NFU1: variants seen among roughly 807,000 people sequenced by gnomAD.
The protein encoded by NFU1 is NFU1 iron-sulfur cluster scaffold homolog, mitochondrial.
NFU1 carries 30 observed loss-of-function variants against 32.2 expected under a neutral mutation model. The observed-to-expected ratio is 0.93, with a 90% CI of 0.70 to 1.26. The LOEUF is 1.26. NFU1 is among the 50% of genes most tolerant of loss of function. The probability of loss-of-function intolerance (pLI) is 0.00; values close to 1 mark genes in which losing one functional copy is unlikely to be tolerated. For synonymous variants in NFU1, 112 were observed against 104.6 expected, an observed-to-expected ratio of 1.07 and a Z score of -0.43; for missense variants, 306 against 306.6, an observed-to-expected ratio of 1.00 and a Z score of 0.02.
chr2:69,420,738 A>G (rs1263015207), intron 3 of NFU1, among the ~76,000 whole-genome samples: 1 of 152,216 alleles, frequency 6.6e-6, no homozygotes, highest in Non-Finnish European at 1.5e-5. Context: ...TTGTGGAATC[A>G]TGTATGTAGT....
intron 6 of NFU1, among the ~76,000 whole-genome samples, chr2:69,404,441 G>A (rs1275456894): frequency 2.0e-5 from 3 of 150,116 alleles, no homozygotes; most frequent in Non-Finnish European, 4.4e-5. Context: ...GCAGTGAGCT[G>A]ATATCGTGCA....
chr2:69,419,741 T>G, intron 3 of NFU1, 137 bp from the exon 4 acceptor site: 3 of 647,168 alleles, frequency 4.6e-6, no homozygotes, highest in East Asian at 2.8e-5. Flanking sequence ...ATGGCCAATT[T>G]TGTTTTATAT....
chr2:69,401,970 T>G (rs1672536276), intron 6 of NFU1, among the ~76,000 whole-genome samples: 1 of 152,044 alleles, frequency 6.6e-6, no homozygotes. Flanking sequence ...CTCAGCTCAC[T>G]GCAACTTCCG....
intron 5 of NFU1, among the ~76,000 whole-genome samples, chr2:69,413,510 C>T (rs1197149904): frequency 6.6e-6 from 1 of 152,152 alleles, no homozygotes. Flanking sequence ...GCCTGTAATC[C>T]CAACTTTGGA....
chr2:69,401,781 T>C (rs1672528676), intron 6 of NFU1, among the ~76,000 whole-genome samples: 1 of 152,264 alleles, frequency 6.6e-6, no homozygotes, highest in African/African-American at 2.4e-5. Context: ...TCAGTCTTAA[T>C]AGTTTTAACT....
chr2:69,405,124 G>C (rs971331947), intron 6 of NFU1, among the ~76,000 whole-genome samples: 1 of 151,978 alleles, frequency 6.6e-6, no homozygotes, highest in Non-Finnish European at 1.5e-5. Context: ...GCCTGTGCCT[G>C]TAATCCCAGC....
At position 69,404,908 on chromosome 2, in the gene NFU1, C is replaced by T. The variant is rs915635380; in HGVS notation, c.545+1114G>A. Among the ~76,000 whole-genome samples, 12 of 151,894 alleles carry T rather than the reference C, an allele frequency of 7.9e-5. No homozygotes were observed. The East Asian group carries it at 2.2e-3, about 27-fold the overall frequency. On this transcript the variant is annotated intron_variant, in intron 6 of 7. Coordinates refer to ENST00000410022, the MANE Select transcript of NFU1 (RefSeq NM_001002755.4). ...CAGCTGGGATTACAAGCGTGAGCCA[C>T]CACACCCAGCCACAATTTTCAAGAA...
At chr2:69,400,296 A>G in intron 7 of NFU1, 68 bp downstream of exon 7, 1 of 1,364,220 alleles carries the variant, frequency 7.3e-7, no homozygotes, top group Non-Finnish European at 1.0e-6. Flanking sequence ...ATCTATTTCC[A>G]GCCTTTGTAT....
chr2:69,434,612 G>A (rs1386647281), intron 1 of NFU1, among the ~76,000 whole-genome samples: 2 of 152,108 alleles, frequency 1.3e-5, no homozygotes, highest in African/African-American at 2.4e-5. Flanking sequence ...TTTAAAATCC[G>A]GTTTACTTGA....
In NFU1 at chr2:69,399,555, G is replaced by C. The variant is rs191243955; in HGVS notation, c.720+809C>G. ...ATCCTTAATCCCAGCATTTTGGGAG[G>C]ATCACCTGAGGCCAGGAATTCAAGA... On this transcript the variant is annotated intron_variant, in intron 7 of 7. Transcript: ENST00000410022. 4.8e-3 allele frequency among the ~76,000 whole-genome samples: 699 copies of C among 146,890 alleles called. 9 individuals carry two copies. Among genetic ancestry groups the C allele is most frequent in the Admixed American group, 0.012 (176 of 14,342 alleles).
intron 6 of NFU1, 76 bp downstream of exon 6, chr2:69,405,946 G>T: frequency 3.3e-6 from 3 of 914,782 alleles, no homozygotes; most frequent in East Asian, 2.4e-5. Flanking sequence ...TAATCTCATG[G>T]CCAACTAAAA....
At chr2:69,431,767 C>T in intron 2 of NFU1, 135 bp downstream of exon 2, 2 of 666,488 alleles carry the variant, frequency 3.0e-6, no homozygotes, top group Non-Finnish European at 5.3e-6. Flanking sequence ...AAAAATATAG[C>T]TTTTTTTCCT....
chr2:69,414,291 C>T (rs1672981642), intron 5 of NFU1, among the ~76,000 whole-genome samples: 1 of 151,992 alleles, frequency 6.6e-6, no homozygotes, highest in Non-Finnish European at 1.5e-5. Flanking sequence ...AAAAATATTA[C>T]ACTTAGTAAA....
Position 69,424,349 on chromosome 2 carries a change from C to G in NFU1, c.167-632G>C, listed in dbSNP as rs182014023. Among the ~76,000 whole-genome samples, 338 of 151,442 alleles carry G rather than the reference C, an allele frequency of 2.2e-3. 2 individuals are homozygous for G. The highest frequency in any genetic ancestry group is 7.7e-3 in the African/African-American group (318 of 41,258). ...TGTTGCCCAGGCTGGAGTGCAGTGG[C>G]ACAATCACGGTTCACTACGACCTCA... On this transcript the variant is annotated intron_variant, in intron 2 of 7. Coordinates refer to ENST00000410022, the MANE Select transcript of NFU1 (RefSeq NM_001002755.4).
chr2:69,413,212 G>A (rs1366137884), intron 5 of NFU1, among the ~76,000 whole-genome samples: 1 of 151,654 alleles, frequency 6.6e-6, no homozygotes, highest in African/African-American at 2.4e-5. Context: ...TTGAACCCAG[G>A]AGGTGGAGGT....
At position 69,431,881 on chromosome 2, in the gene NFU1, A is replaced by G. The variant is rs376891082; in HGVS notation, c.166+21T>C. On this transcript the variant is annotated intron_variant, in intron 2 of 7. Coordinates refer to ENST00000410022, the MANE Select transcript of NFU1 (RefSeq NM_001002755.4). The stretch of plus-strand genomic sequence containing the variant: ...CATCAGTTTCTGAAACACAACTGCT[A>G]TAAAAGAGGTGAAATTTTACCTGGG... 25 of 1,444,014 alleles carry G rather than the reference A, an allele frequency of 1.7e-5. No homozygotes were observed. In the African/African-American group the frequency reaches 3.4e-4, roughly 19 times the overall value. The allele number at this position is 1,444,014 out of a possible 1,614,324, so 89.5% of individuals were successfully genotyped here.
Position 69,413,664 on chromosome 2 carries a change from T to C in NFU1, c.484+1521A>G, listed in dbSNP as rs552969228. Among the ~76,000 whole-genome samples the C allele has an allele frequency of 2.4e-3, 358 of 151,730 alleles. 4 individuals are homozygous for C. Among genetic ancestry groups the C allele is most frequent in the South Asian group, 0.011 (55 of 4,810 alleles). ...ATCCCAGCCACTCGGGAGGCTGAGGTAGAAGGATCGCTTGAACCTGGGAAG... is the reference window on the plus strand; with the variant it reads ...ATCCCAGCCACTCGGGAGGCTGAGGCAGAAGGATCGCTTGAACCTGGGAAG... On this transcript the variant is annotated intron_variant, in intron 5 of 7. Transcript: ENST00000410022.
At chr2:69,410,325 G>A (rs1672836800) in intron 5 of NFU1, among the ~76,000 whole-genome samples, 1 of 152,120 alleles carries the variant, frequency 6.6e-6, no homozygotes, top group Admixed American at 6.6e-5. Context: ...GGAGGTGGAG[G>A]TTGCAGTGAG....
At chr2:69,414,179 C>T (rs895974194) in intron 5 of NFU1, among the ~76,000 whole-genome samples, 1 of 152,098 alleles carries the variant, frequency 6.6e-6, no homozygotes, top group East Asian at 1.9e-4. Flanking sequence ...TTTACTTGAA[C>T]ATAAAGGAAC....
Sources: gnomAD v4.1 joint callset for allele counts (sites outside exome capture counted in the v4.1 genomes callset) on GRCh38, gnomAD v4.1.1 for gene constraint, MANE v1.5 for transcripts, NCBI Gene and HGNC (gene_info 2026-07-23, HGNC 2026-07-21) for gene names.